Variants in CPA6 observed in about 807,000 individuals in gnomAD.
CPA6 encodes carboxypeptidase A6.
Under a neutral mutation model 63.3 loss-of-function variants are expected in CPA6, and 58 were observed. The observed-to-expected ratio is 0.92, with a 90% CI of 0.74 to 1.14. The LOEUF (loss-of-function observed/expected upper bound fraction) is 1.14. Ranked by LOEUF, CPA6 falls within the 50% of genes most tolerant of loss-of-function variation. CPA6 has a pLI of 0.00. For synonymous variants in CPA6, 185 were observed against 179.0 expected, an observed-to-expected ratio of 1.03 and a Z score of -0.27; for missense variants, 565 against 526.6, an observed-to-expected ratio of 1.07 and a Z score of -0.71.
intron 2 of CPA6, among the ~76,000 whole-genome samples, chr8:67,566,040 A>G (rs890092661): frequency 6.6e-6 from 1 of 152,118 alleles, no homozygotes; most frequent in African/African-American, 2.4e-5. Flanking sequence ...CAGACACTCA[A>G]ATGGTTTCTG....
chr8:67,545,805 C>T (rs1050135983), intron 2 of CPA6, among the ~76,000 whole-genome samples: 10 of 151,966 alleles, frequency 6.6e-5, no homozygotes, highest in South Asian at 4.1e-4. Context: ...TTAGGTGATC[C>T]GCCCACCTCG....
chr8:67,526,929 A>C lies in CPA6; in HGVS notation c.193-8882T>G, dbSNP rs1029189864. Among the ~76,000 whole-genome samples the C allele has an allele frequency of 2.6e-5, 4 of 152,274 alleles. No individual in the cohort carries two copies. The South Asian group carries it at 8.3e-4, about 32-fold the overall frequency. On this transcript the variant is annotated intron_variant, in intron 2 of 10. Transcript: ENST00000297770. ...TTTGAGAACTTAGCAGCCCCCCAAG[A>C]AACCTATTAGATAAGGGAAAAAATA...
At chr8:67,672,147 G>A in intron 1 of CPA6, among the ~76,000 whole-genome samples, 1 of 152,106 alleles carries the variant, frequency 6.6e-6, no homozygotes, top group Non-Finnish European at 1.5e-5. Context: ...GCATTTTTAA[G>A]TTGGCTCTAA....
At chr8:67,617,429 T>C (rs1814982546) in intron 2 of CPA6, among the ~76,000 whole-genome samples, 1 of 152,184 alleles carries the variant, frequency 6.6e-6, no homozygotes, top group South Asian at 2.1e-4. Context: ...AAATTCATGC[T>C]ACAGAAGGCA....
intron 1 of CPA6, among the ~76,000 whole-genome samples, chr8:67,692,975 T>G (rs773675739): frequency 2.6e-5 from 4 of 152,174 alleles, no homozygotes; most frequent in Non-Finnish European, 5.9e-5. Context: ...AGGGGACTTA[T>G]TCATGCAAGC....
chr8:67,579,530 C>A (rs375543940), intron 2 of CPA6, among the ~76,000 whole-genome samples: 1 of 152,240 alleles, frequency 6.6e-6, no homozygotes, highest in Non-Finnish European at 1.5e-5. Context: ...TAATAAATAC[C>A]AAACACATAG....
intron 8 of CPA6, among the ~76,000 whole-genome samples, chr8:67,449,004 C>A (rs761779995): frequency 6.6e-6 from 1 of 152,076 alleles, no homozygotes; most frequent in African/African-American, 2.4e-5. Flanking sequence ...GTAATCCCAG[C>A]ACTTTGGGAG....
At chr8:67,540,294 A>T (rs183131718) in intron 2 of CPA6, among the ~76,000 whole-genome samples, 1 of 151,726 alleles carries the variant, frequency 6.6e-6, no homozygotes, top group Non-Finnish European at 1.5e-5. Context: ...TTTGCTGGAG[A>T]TCCACTCCAG....
intron 2 of CPA6, among the ~76,000 whole-genome samples, chr8:67,565,721 G>A (rs1358518407): frequency 1.3e-5 from 2 of 152,204 alleles, no homozygotes; most frequent in East Asian, 1.9e-4. Context: ...GAATGAGCAG[G>A]TCATTAGTTG....
At chr8:67,687,873 T>G (rs1816738399) in intron 1 of CPA6, among the ~76,000 whole-genome samples, 1 of 152,180 alleles carries the variant, frequency 6.6e-6, no homozygotes, top group Admixed American at 6.5e-5. Flanking sequence ...ACGATTCAAA[T>G]GCAAGGTTTT....
intron 2 of CPA6, among the ~76,000 whole-genome samples, chr8:67,567,543 G>A (rs2128975792): frequency 6.6e-6 from 1 of 152,342 alleles, no homozygotes; most frequent in Non-Finnish European, 1.5e-5. Context: ...GGTGGAAAAG[G>A]AAGTCTTGGG....
chr8:67,553,408 A>C (rs966614821), intron 2 of CPA6, among the ~76,000 whole-genome samples: 1 of 152,228 alleles, frequency 6.6e-6, no homozygotes, highest in Admixed American at 6.5e-5. Context: ...TTTATGGTAA[A>C]GAGTAATGAT....
intron 1 of CPA6, among the ~76,000 whole-genome samples, chr8:67,651,864 G>T (rs561625440): frequency 6.6e-6 from 1 of 151,942 alleles, no homozygotes; most frequent in Non-Finnish European, 1.5e-5. Flanking sequence ...TTAGCATTAG[G>T]TATATCTCCT....
At chr8:67,607,031 A>G (rs1385889542) in intron 2 of CPA6, among the ~76,000 whole-genome samples, 2 of 151,762 alleles carry the variant, frequency 1.3e-5, no homozygotes. Flanking sequence ...TCATTAAGTA[A>G]CCACACTCTA....
chr8:67,699,034 T>C (rs1156473363), intron 1 of CPA6, among the ~76,000 whole-genome samples: 1 of 152,224 alleles, frequency 6.6e-6, no homozygotes, highest in Non-Finnish European at 1.5e-5. Context: ...AAGAATGGCA[T>C]GGTCTCTAAT....
chr8:67,537,573 A>T (rs1812612046), intron 2 of CPA6, among the ~76,000 whole-genome samples: 1 of 151,440 alleles, frequency 6.6e-6, no homozygotes, highest in African/African-American at 2.4e-5. Context: ...CATCTATTTG[A>T]TTCTTCTCTT....
At chr8:67,516,826 G>A (rs1812154648) in intron 3 of CPA6, among the ~76,000 whole-genome samples, 1 of 151,922 alleles carries the variant, frequency 6.6e-6, no homozygotes, top group African/African-American at 2.4e-5. Context: ...CAGACAGCCT[G>A]CACTCTGTTA....
In CPA6 at chr8:67,621,216, T is replaced by G. The variant is rs1172834241; in HGVS notation, c.192+2960A>C. ...GCTTGTGCCTCATTTCCCCTGGACTTCACCCAATACTCCTTTACCCTTTGC... is the reference window on the plus strand; with the variant it reads ...GCTTGTGCCTCATTTCCCCTGGACTGCACCCAATACTCCTTTACCCTTTGC... On this transcript the variant is annotated intron_variant, in intron 2 of 10. Coordinates refer to ENST00000297770, the MANE Select transcript of CPA6 (RefSeq NM_020361.5). Among the ~76,000 whole-genome samples, 2 of 152,210 alleles carry G rather than the reference T, an allele frequency of 1.3e-5. 1 individual carries two copies. The highest frequency in any genetic ancestry group is 2.9e-5 in the Non-Finnish European group (2 of 68,036).
rs34412333 is a variant in CPA6, at chr8:67,629,479, C to CAA, written c.117-5230_117-5229dup. Among the ~76,000 whole-genome samples the CAA allele has an allele frequency of 2.1e-3, 202 of 94,012 alleles. 4 individuals are homozygous for CAA. Among genetic ancestry groups the CAA allele is most frequent in the South Asian group, 7.6e-3 (23 of 3,012 alleles). 61.7% of individuals were successfully genotyped at this position (94,012 alleles called of 152,430 possible). On this transcript the variant is annotated intron_variant, in intron 1 of 10. Transcript: ENST00000297770. ...TGGGTGACATAATGAGACCCTGTCT[C>CAA]AAAAAAAAAAAAAAAAAATAAGACC...
Sources: gnomAD v4.1 joint callset for allele counts (sites outside exome capture counted in the v4.1 genomes callset) on GRCh38, gnomAD v4.1.1 for gene constraint, MANE v1.5 for transcripts, NCBI Gene and HGNC (gene_info 2026-07-23, HGNC 2026-07-21) for gene names.